Variants in FOLH1 observed in about 807,000 individuals in gnomAD.
The protein encoded by FOLH1 is folate hydrolase 1.
In FOLH1, 54 loss-of-function variants were observed where a neutral mutation model predicts 93.9. That is an observed-to-expected ratio of 0.57 (90% CI 0.46 to 0.72). FOLH1 has a LOEUF of 0.72. FOLH1 is among the 30% of genes least tolerant of loss of function. The pLI, the probability that FOLH1 is intolerant of heterozygous loss-of-function variation, is 0.00. For synonymous variants in FOLH1, 249 were observed against 303.6 expected, an observed-to-expected ratio of 0.82 and a Z score of 1.87; for missense variants, 571 against 892.5, an observed-to-expected ratio of 0.64 and a Z score of 4.59.
chr11:49,206,247 T>C, intron 1 of FOLH1, 75 bp from the exon 2 acceptor site: 1 of 1,595,888 alleles, frequency 6.3e-7, no homozygotes, highest in East Asian at 2.3e-5. Context: ...TTGTTGTATG[T>C]ATTATTTGTA....
intron 17 of FOLH1, among the ~76,000 whole-genome samples, chr11:49,152,307 A>C (rs1210876499): frequency 6.6e-6 from 1 of 152,190 alleles, no homozygotes; most frequent in Non-Finnish European, 1.5e-5. Flanking sequence ...AAGTGGAAAT[A>C]CTATGTCAAA....
intron 17 of FOLH1, among the ~76,000 whole-genome samples, chr11:49,151,903 T>C (rs1198747730): frequency 2.6e-5 from 4 of 152,146 alleles, no homozygotes; most frequent in African/African-American, 9.7e-5. Context: ...TTTACTCACA[T>C]ATAAAAATTA....
chr11:49,163,455 C>T (rs1470625914), intron 13 of FOLH1, among the ~76,000 whole-genome samples: 6 of 151,784 alleles, frequency 4.0e-5, no homozygotes, highest in African/African-American at 1.2e-4. Context: ...GGCTAAGCCA[C>T]CCAAACAGCA....
intron 10 of FOLH1, among the ~76,000 whole-genome samples, chr11:49,172,114 G>A (rs1405858748): frequency 6.6e-6 from 1 of 151,932 alleles, no homozygotes; most frequent in Non-Finnish European, 1.5e-5. Flanking sequence ...CTGTTAACTC[G>A]AGTCTTTTGT....
At position 49,208,436 on chromosome 11, in the gene FOLH1, G is replaced by C; in HGVS notation, c.-27C>G. The C allele has an allele frequency of 6.5e-7, 1 of 1,528,676 alleles. No homozygotes were observed. Among genetic ancestry groups the C allele is most frequent in the East Asian group, 2.3e-5 (1 of 43,456 alleles). 94.7% of individuals were successfully genotyped at this position (1,528,676 alleles called of 1,614,324 possible). A position where few individuals can be genotyped will look rare whatever the true frequency, so the allele number is the denominator to read the frequency against. On this transcript the variant is annotated 5_prime_UTR_variant, in exon 1 of 19. Transcript: ENST00000256999. ...TCGGCGCGAGCAGAGCCGGCCTCCC[G>C]GGACCCGCGCCTGTGCTGCTGCTCT...
Position 49,175,951 on chromosome 11 carries a change from C to G in FOLH1, c.927G>C (p.Met309Ile). Residue 309 changes from methionine to isoleucine, a missense_variant, in exon 8 of 19, where the codon ATG (methionine) becomes ATC (isoleucine). Coordinates refer to ENST00000256999, the MANE Select transcript of FOLH1 (RefSeq NM_004476.3). ...YYDAQKLLEKMGGSAPPDSSW... is the reference protein window; with the variant it reads ...YYDAQKLLEKIGGSAPPDSSW... ...TGCTATCTGGTGGTGCTGAGCCACC[C>G]ATTTTTCTATTGGACACAAAAAAAC... is the stretch of plus-strand genomic sequence containing the variant. 1.2e-6 allele frequency: 2 copies of G among 1,612,568 alleles called. No individual in the cohort carries two copies. The highest frequency in any genetic ancestry group is 1.7e-6 in the Non-Finnish European group (2 of 1,179,464).
intron 13 of FOLH1, among the ~76,000 whole-genome samples, chr11:49,163,898 G>A (rs532545183): frequency 5.3e-5 from 8 of 152,214 alleles, no homozygotes; most frequent in Admixed American, 3.9e-4. Flanking sequence ...GGTTTCCTGG[G>A]GTTGCACATT....
intron 1 of FOLH1, 66 bp downstream of exon 1, chr11:49,208,226 G>A (rs76707037): frequency 0.028 from 33,696 of 1,193,302 alleles, 571 homozygotes; most frequent in African/African-American, 0.036. Context: ...CAGCTGACCC[G>A]CGAGTCCCAG....
chr11:49,152,237 C>T (rs1433316945), intron 17 of FOLH1, among the ~76,000 whole-genome samples: 1 of 152,080 alleles, frequency 6.6e-6, no homozygotes, highest in Admixed American at 6.6e-5. Context: ...TACTTCAAAT[C>T]TTTCTCCAGG....
intron 2 of FOLH1, among the ~76,000 whole-genome samples, chr11:49,202,499 C>T (rs1229895893): frequency 1.3e-5 from 2 of 151,884 alleles, no homozygotes; most frequent in Non-Finnish European, 2.9e-5. Context: ...ACTCCAGCTT[C>T]CTGAGTAGAT....
At position 49,183,224 on chromosome 11, in the gene FOLH1, C is replaced by T. The variant is rs747651254; in HGVS notation, c.845G>A (p.Gly282Glu). The change falls in exon 7 of 19, where the codon GGA (glycine) becomes GAA (glutamate). Residue 282 changes from glycine (G) to glutamate (E), a missense_variant. Physicochemically the swap from Gly to Glu is moderately conservative, Grantham distance 98. Transcript: ENST00000256999. ...TGGAAGACCAACAGCCTCTGCAATT[C>T]CACGCCTATAAGCATATTCTGAAAA... Reference protein sequence around the residue: ...YPANEYAYRRGIAEAVGLPSI... With the variant: ...YPANEYAYRREIAEAVGLPSI... 5.3e-5 allele frequency: 85 copies of T among 1,612,720 alleles called. No individual in the cohort carries two copies. The South Asian group carries it at 8.9e-4, about 17-fold the overall frequency.
intron 17 of FOLH1, among the ~76,000 whole-genome samples, chr11:49,151,078 A>T (rs1255541634): frequency 2.6e-5 from 4 of 152,210 alleles, no homozygotes; most frequent in Non-Finnish European, 5.9e-5. Context: ...CTAAATTCAC[A>T]CTAGAAAGTT....
In FOLH1 at chr11:49,208,383, G is replaced by C; in HGVS notation, c.27C>G (p.Asp9Glu). 6.2e-7 allele frequency: 1 copy of C among 1,603,738 alleles called. No individual in the cohort carries two copies. ...GGCGGCGCGCGGTGGCCACAGCCGAGTCGGTTTCGTGAAGGAGATTCCACA... is the reference window on the plus strand; with the variant it reads ...GGCGGCGCGCGGTGGCCACAGCCGACTCGGTTTCGTGAAGGAGATTCCACA... MWNLLHET[D>E]SAVATARRPR... Residue 9 changes from aspartate to glutamate, a missense_variant, in exon 1 of 19, where the codon GAC (aspartate) becomes GAG (glutamate). Coordinates refer to ENST00000256999, the MANE Select transcript of FOLH1 (RefSeq NM_004476.3).
intron 1 of FOLH1, 48 bp from the exon 2 acceptor site, chr11:49,206,220 G>A: frequency 6.2e-7 from 1 of 1,605,778 alleles, no homozygotes; most frequent in Non-Finnish European, 8.5e-7. Flanking sequence ...CCTATAGATA[G>A]GACTTATTTT....
chr11:49,148,496 A>T, intron 18 of FOLH1, 143 bp downstream of exon 18: 1 of 568,104 alleles, frequency 1.8e-6, no homozygotes. Flanking sequence ...GAAACAATAC[A>T]ACTATCACTT....
At chr11:49,179,500 A>T (rs1860482014) in intron 7 of FOLH1, among the ~76,000 whole-genome samples, 1 of 152,358 alleles carries the variant, frequency 6.6e-6, no homozygotes, top group Admixed American at 6.5e-5. Flanking sequence ...TAACTCCTAA[A>T]TAACCAATGG....
At chr11:49,162,154 A>C (rs1857778420) in intron 13 of FOLH1, among the ~76,000 whole-genome samples, 1 of 152,112 alleles carries the variant, frequency 6.6e-6, no homozygotes, top group Non-Finnish European at 1.5e-5. Flanking sequence ...GCATTTCCTG[A>C]ATTTGAATGT....
At chr11:49,185,157 CT>C (rs1861222265) in intron 6 of FOLH1, among the ~76,000 whole-genome samples, 2 of 152,126 alleles carry the variant, frequency 1.3e-5, no homozygotes, top group African/African-American at 4.8e-5. Context: ...GTTTATGGAA[CT>C]TCTGCTCTCC....
chr11:49,191,814 C>T (rs1458453881), intron 4 of FOLH1, among the ~76,000 whole-genome samples: 2 of 152,248 alleles, frequency 1.3e-5, no homozygotes, highest in Non-Finnish European at 2.9e-5. Context: ...CCTCCTGCCT[C>T]AGCCTCCTGA....
Sources: allele counts gnomAD v4.1 joint callset (sites outside exome capture counted in the v4.1 genomes callset), GRCh38; gene constraint gnomAD v4.1.1; transcripts MANE v1.5; gene names NCBI Gene and HGNC (gene_info 2026-07-23, HGNC 2026-07-21).